Variants in SLCO6A1 observed in about 807,000 individuals in gnomAD.
SLCO6A1 encodes cancer/testis antigen 48.
Under a neutral mutation model 72.7 loss-of-function variants are expected in SLCO6A1, and 65 were observed. That is an observed-to-expected ratio of 0.89 (90% CI 0.73 to 1.10). The LOEUF is 1.10. Ranked by LOEUF, SLCO6A1 falls within the 50% of genes least tolerant of loss-of-function variation. The probability of loss-of-function intolerance (pLI) is 0.00; values close to 1 mark genes in which losing one functional copy is unlikely to be tolerated. For missense variants in SLCO6A1, 874 were observed against 872.6 expected (o/e 1.00, Z -0.02); for synonymous variants, 314 against 298.2 (o/e 1.05, Z -0.55).
Position 102,498,563 on chromosome 5 carries a change from T to C in SLCO6A1, c.282A>G (p.Leu94=). Residue 94 remains leucine (L), a synonymous_variant, in exon 1 of 14, where the codon TTA becomes TTG. Coordinates refer to ENST00000506729, the MANE Select transcript of SLCO6A1 (RefSeq NM_173488.5). ...TGCAACACTCACAGCAGGTGCTGAC[T>C]AAGCAGCCCAAACCACAGGGCTGCT... is the stretch of plus-strand genomic sequence containing the variant. ...SLEQPCGLGC[L]VSTCCECCNN... 1 of 1,614,260 alleles carries C rather than the reference T, an allele frequency of 6.2e-7. No homozygotes were observed. The highest frequency in any genetic ancestry group is 8.5e-7 in the Non-Finnish European group (1 of 1,180,038).
intron 1 of SLCO6A1, among the ~76,000 whole-genome samples, chr5:102,484,519 G>A (rs1021545504): frequency 8.6e-5 from 13 of 151,884 alleles, no homozygotes; most frequent in African/African-American, 3.1e-4. Context: ...CGTGGTGGCG[G>A]GTGCCTGTAA....
At chr5:102,444,845 C>A (rs991235077) in intron 6 of SLCO6A1, among the ~76,000 whole-genome samples, 9 of 152,014 alleles carry the variant, frequency 5.9e-5, no homozygotes, top group Non-Finnish European at 1.3e-4. Flanking sequence ...AATTTTGTCA[C>A]CCAGATAATC....
intron 12 of SLCO6A1, among the ~76,000 whole-genome samples, chr5:102,377,406 A>G (rs571791752): frequency 6.6e-5 from 10 of 152,242 alleles, no homozygotes; most frequent in African/African-American, 2.4e-4. Context: ...ACTTATATAA[A>G]TTTCTAGACC....
intron 6 of SLCO6A1, among the ~76,000 whole-genome samples, chr5:102,450,572 A>G (rs1055245896): frequency 2.0e-5 from 3 of 152,204 alleles, no homozygotes; most frequent in Non-Finnish European, 2.9e-5. Context: ...CACTGGCTGC[A>G]GATCTCAGCT....
In SLCO6A1 at chr5:102,451,489, G is replaced by A. The variant is rs191475098; in HGVS notation, c.1131+6893C>T. ...GCATAGGGGTGTTCAGGAGTCCATTGCCCTGGGATTTGGCATGTACCTGAA... is the reference window on the plus strand; with the variant it reads ...GCATAGGGGTGTTCAGGAGTCCATTACCCTGGGATTTGGCATGTACCTGAA... On this transcript the variant is annotated intron_variant, in intron 6 of 13. Coordinates refer to ENST00000506729, the MANE Select transcript of SLCO6A1 (RefSeq NM_173488.5). 1.9e-3 allele frequency among the ~76,000 whole-genome samples: 290 copies of A among 152,270 alleles called. 3 individuals are homozygous for A. The highest frequency in any genetic ancestry group is 6.7e-3 in the African/African-American group (280 of 41,566).
At chr5:102,461,411 C>A (rs1257674415) in intron 4 of SLCO6A1, among the ~76,000 whole-genome samples, 1 of 151,940 alleles carries the variant, frequency 6.6e-6, no homozygotes, top group Non-Finnish European at 1.5e-5. Flanking sequence ...TTGATTAAAA[C>A]CTGAGAGTAT....
At chr5:102,441,241 A>C (rs1390370607) in intron 6 of SLCO6A1, among the ~76,000 whole-genome samples, 3 of 152,150 alleles carry the variant, frequency 2.0e-5, no homozygotes, top group African/African-American at 7.2e-5. Context: ...ATCACATTTT[A>C]TTAACCTGGA....
chr5:102,473,551 T>C (rs979690569), intron 4 of SLCO6A1, among the ~76,000 whole-genome samples: 2 of 151,934 alleles, frequency 1.3e-5, no homozygotes, highest in Admixed American at 6.6e-5. Flanking sequence ...TTTTCTAAGA[T>C]CAGGAACAAG....
intron 1 of SLCO6A1, among the ~76,000 whole-genome samples, chr5:102,486,826 G>T (rs1279403645): frequency 6.6e-6 from 1 of 151,914 alleles, no homozygotes; most frequent in Non-Finnish European, 1.5e-5. Context: ...ATAAATAATT[G>T]TATCTTCAAA....
intron 2 of SLCO6A1, among the ~76,000 whole-genome samples, chr5:102,478,422 T>G (rs1480492664): frequency 2.0e-5 from 3 of 152,220 alleles, no homozygotes; most frequent in Admixed American, 6.5e-5. Context: ...TTTAGTTTTA[T>G]GTTCACCTCT....
chr5:102,491,389 C>T (rs755855439), intron 1 of SLCO6A1, among the ~76,000 whole-genome samples: 52 of 152,346 alleles, frequency 3.4e-4, no homozygotes, highest in Middle Eastern at 3.4e-3. Context: ...ACGGTGCACC[C>T]GCACTCCTCA....
intron 4 of SLCO6A1, among the ~76,000 whole-genome samples, chr5:102,460,865 G>C: frequency 6.9e-6 from 1 of 145,470 alleles, no homozygotes; most frequent in Non-Finnish European, 1.5e-5. Flanking sequence ...ATTTTCCTAG[G>C]GTTGCAGTCT....
intron 5 of SLCO6A1, 39 bp from the exon 6 acceptor site, chr5:102,458,530 A>G: frequency 5.5e-6 from 8 of 1,444,840 alleles, no homozygotes; most frequent in Non-Finnish European, 7.7e-6. Flanking sequence ...GACATATTCA[A>G]ATAACTAAAA....
At chr5:102,372,979 A>C (rs1750704759) in intron 13 of SLCO6A1, among the ~76,000 whole-genome samples, 1 of 151,918 alleles carries the variant, frequency 6.6e-6, no homozygotes, top group Non-Finnish European at 1.5e-5. Flanking sequence ...ATAAATATCT[A>C]CTGCCCAAAT....
At chr5:102,479,918 C>G (rs529861625) in intron 2 of SLCO6A1, among the ~76,000 whole-genome samples, 1 of 152,202 alleles carries the variant, frequency 6.6e-6, no homozygotes, top group South Asian at 2.1e-4. Flanking sequence ...GATCACAGTA[C>G]TGAGCTTCCT....
At chr5:102,394,560 G>C (rs1285740179) in intron 10 of SLCO6A1, among the ~76,000 whole-genome samples, 4 of 151,738 alleles carry the variant, frequency 2.6e-5, no homozygotes, top group African/African-American at 9.7e-5. Context: ...AAAAACCTGA[G>C]AAAAAGCTAA....
chr5:102,482,533 A>G (rs1047382330), intron 1 of SLCO6A1, among the ~76,000 whole-genome samples: 1 of 152,174 alleles, frequency 6.6e-6, no homozygotes, highest in East Asian at 1.9e-4. Flanking sequence ...CTTGTTTACT[A>G]CTGGGAGTGG....
At chr5:102,402,356 G>C (rs1337697818) in intron 9 of SLCO6A1, among the ~76,000 whole-genome samples, 2 of 152,186 alleles carry the variant, frequency 1.3e-5, no homozygotes, top group African/African-American at 4.8e-5. Context: ...ATGGGAGGAA[G>C]TATTCTTGAG....
intron 1 of SLCO6A1, among the ~76,000 whole-genome samples, chr5:102,493,740 A>T (rs1752788104): frequency 6.6e-6 from 1 of 152,182 alleles, no homozygotes; most frequent in African/African-American, 2.4e-5. Flanking sequence ...ATACTAAAAA[A>T]TCCTAAGGAG....
Sources: gnomAD v4.1 joint callset for allele counts (sites outside exome capture counted in the v4.1 genomes callset) on GRCh38, gnomAD v4.1.1 for gene constraint, MANE v1.5 for transcripts, NCBI Gene and HGNC (gene_info 2026-07-23, HGNC 2026-07-21) for gene names.